The following DOCK8 variants were observed in gnomAD, a reference collection of about 807,000 sequenced individuals.
DOCK8 encodes the protein dedicator of cytokinesis protein 8.
Under a neutral mutation model 245.6 loss-of-function variants are expected in DOCK8, and 141 were observed. The ratio of observed to expected loss-of-function variants is 0.57; its 90% CI spans 0.50 to 0.66. The LOEUF (loss-of-function observed/expected upper bound fraction) is 0.66. Ranked by LOEUF, DOCK8 falls within the 30% of genes least tolerant of loss-of-function variation. The probability of loss-of-function intolerance (pLI) is 0.00; values close to 1 mark genes in which losing one functional copy is unlikely to be tolerated. For missense variants in DOCK8, 2,965 were observed against 2,603.4 expected (o/e 1.14, Z -3.02); for synonymous variants, 1,168 against 970.2 (o/e 1.20, Z -3.79).
intron 10 of DOCK8, among the ~76,000 whole-genome samples, chr9:333,989 T>G (rs1477248461): frequency 6.6e-6 from 1 of 152,226 alleles, no homozygotes; most frequent in Non-Finnish European, 1.5e-5. Flanking sequence ...TTTTACTAAT[T>G]AAATGTAGCC....
At chr9:275,220 T>A (rs980529822) in intron 2 of DOCK8, among the ~76,000 whole-genome samples, 1 of 152,136 alleles carries the variant, frequency 6.6e-6, no homozygotes, top group African/African-American at 2.4e-5. Context: ...CTCTTACGAT[T>A]TGGCACTATG....
rs1192939296 is a variant in DOCK8, at chr9:464,900, G to A, written c.*681G>A. 1 of 153,398 alleles carries A rather than the reference G, an allele frequency of 6.5e-6. No individual in the cohort carries two copies. Among genetic ancestry groups the A allele is most frequent in the Non-Finnish European group, 1.5e-5 (1 of 68,854 alleles). The allele number at this position is 153,398 out of a possible 1,614,324, so 9.5% of individuals were successfully genotyped here. A position where few individuals can be genotyped will look rare whatever the true frequency, so the allele number is the denominator to read the frequency against. On this transcript the variant is annotated 3_prime_UTR_variant, in exon 48 of 48. Transcript: ENST00000432829. ...AAAGCACTGATGTAGGAGATACACG[G>A]TACTTGGAGCAGTCAGCCAGAAATC...
intron 22 of DOCK8, among the ~76,000 whole-genome samples, chr9:386,110 A>G (rs991056369): frequency 6.6e-6 from 1 of 152,242 alleles, no homozygotes; most frequent in Non-Finnish European, 1.5e-5. Flanking sequence ...GTAGGTTGCT[A>G]CACACAAACT....
At chr9:456,007 A>G (rs968368671) in intron 46 of DOCK8, among the ~76,000 whole-genome samples, 1 of 152,228 alleles carries the variant, frequency 6.6e-6, no homozygotes, top group African/African-American at 2.4e-5. Flanking sequence ...GGACAAGGCT[A>G]CAGACAAAAC....
At chr9:456,057 A>G (rs776643729) in intron 46 of DOCK8, 1 of 152,238 alleles carries the variant, frequency 6.6e-6, no homozygotes, top group Non-Finnish European at 1.5e-5. Flanking sequence ...TGCAAACACA[A>G]CAGATGGCCT....
At chr9:329,462 C>T (rs10970611) in intron 9 of DOCK8, among the ~76,000 whole-genome samples, 35,712 of 152,080 alleles carry the variant, frequency 0.23, 4,531 homozygotes, top group African/African-American at 0.32. Context: ...GCTTCTTTAA[C>T]ACCATATAAC....
chr9:413,024 A>T (rs2055818379), intron 28 of DOCK8, among the ~76,000 whole-genome samples: 2 of 152,184 alleles, frequency 1.3e-5, no homozygotes, highest in Non-Finnish European at 2.9e-5. Flanking sequence ...TACAAAGCAA[A>T]AGTAGTCAAG....
intron 10 of DOCK8, among the ~76,000 whole-genome samples, chr9:332,813 A>G (rs1445316677): frequency 6.6e-6 from 1 of 151,748 alleles, no homozygotes; most frequent in African/African-American, 2.4e-5. Context: ...ACATGCCACC[A>G]TGCTTGGCTA....
At chr9:388,705 C>G (rs577170517) in intron 23 of DOCK8, among the ~76,000 whole-genome samples, 1 of 152,236 alleles carries the variant, frequency 6.6e-6, no homozygotes, top group East Asian at 1.9e-4. Context: ...CAACCGTGAA[C>G]CACCACATCT....
chr9:379,898 C>T lies in DOCK8; in HGVS notation c.2568C>T (p.Phe856=). The T allele has an allele frequency of 6.2e-7, 1 of 1,614,168 alleles. No homozygotes were observed. The highest frequency in any genetic ancestry group is 1.1e-5 in the South Asian group (1 of 91,086). The change falls in exon 21 of 48, where the codon TTC becomes TTT. Residue 856 remains phenylalanine, a synonymous_variant. Coordinates refer to ENST00000432829, the MANE Select transcript of DOCK8 (RefSeq NM_203447.4). ...TGGCTTCCTACGTGCACTACGTCTT[C>T]CGCCTGCCAGAGGTGCAAAGGGATG... ...CLLASYVHYV[F]RLPEVQRDVP...
chr9:368,300 G>GCT, intron 15 of DOCK8, 165 bp downstream of exon 15: 1 of 766,414 alleles, frequency 1.3e-6, no homozygotes. Context: ...GGGGAAACAG[G>GCT]GTCAGTCTTA....
chr9:304,759 C>T, intron 5 of DOCK8, 55 bp downstream of exon 5: 1 of 1,612,036 alleles, frequency 6.2e-7, no homozygotes, highest in South Asian at 1.1e-5. Context: ...CTGCCCAGGG[C>T]ATGCTGTCAG....
intron 1 of DOCK8, among the ~76,000 whole-genome samples, chr9:238,377 G>T (rs1003839537): frequency 6.6e-6 from 1 of 152,154 alleles, no homozygotes; most frequent in African/African-American, 2.4e-5. Context: ...TAAGTACCAC[G>T]TTTCTGAGGT....
intron 39 of DOCK8, among the ~76,000 whole-genome samples, chr9:436,077 C>T (rs1396343461): frequency 2.0e-5 from 3 of 152,194 alleles, no homozygotes; most frequent in Non-Finnish European, 4.4e-5. Flanking sequence ...AAAGTAGCTT[C>T]CCCAGGCTTA....
Position 340,261 on chromosome 9 carries a change from C to G in DOCK8, c.1619C>G (p.Pro540Arg), listed in dbSNP as rs377334031. Residue 540 changes from proline (P) to arginine (R), a missense_variant, in exon 14 of 48, where the codon CCG becomes CGG. Coordinates refer to ENST00000432829, the MANE Select transcript of DOCK8 (RefSeq NM_203447.4). ...CCCTTTCCTGAAAACCGGACACGCC[C>G]GCACAAAGAGATTTTGGAATTTCCA... Reference protein sequence around the residue: ...VKPFPENRTRPHKEILEFPTR... With the variant: ...VKPFPENRTRRHKEILEFPTR... The G allele has an allele frequency of 1.2e-6, 2 of 1,614,146 alleles. No individual in the cohort carries two copies. Among genetic ancestry groups the G allele is most frequent in the South Asian group, 1.1e-5 (1 of 91,082 alleles).
chr9:462,449 C>G (rs956557063), intron 46 of DOCK8, among the ~76,000 whole-genome samples: 2 of 152,222 alleles, frequency 1.3e-5, no homozygotes, highest in Admixed American at 6.5e-5. Context: ...CAGCATTTTT[C>G]TAAACCCTCT....
chr9:276,981 AT>A (rs771560296), intron 2 of DOCK8: 303 of 338,220 alleles, frequency 9.0e-4, no homozygotes, highest in East Asian at 1.5e-3. Flanking sequence ...TAATTTTTGT[AT>A]TTTTTTTGTA....
In DOCK8 at chr9:271,697, A is replaced by C. The variant is rs1485703434; in HGVS notation, c.124A>C (p.Ile42Leu). The C allele has an allele frequency of 6.4e-7, 1 of 1,551,924 alleles. No homozygotes were observed. The highest frequency in any genetic ancestry group is 8.7e-7 in the Non-Finnish European group (1 of 1,146,914). ...CCTTGGCCAGTACCATCGACAGAGC[A>C]TAAGTACCTCTGGCTTCCCCTCTCT... is the stretch of plus-strand genomic sequence containing the variant. Reference protein sequence around the residue: ...PNLGQYHRQSISTSGFPSLQL... With the variant: ...PNLGQYHRQSLSTSGFPSLQL... The change falls in exon 2 of 48, where the codon ATA (isoleucine) becomes CTA (leucine). Residue 42 changes from isoleucine (I) to leucine (L), a missense_variant. Coordinates refer to ENST00000432829, the MANE Select transcript of DOCK8 (RefSeq NM_203447.4).
At chr9:212,179 G>A (rs776520841), upstream of DOCK8, among the ~76,000 whole-genome samples, 29 of 152,134 alleles carry the variant, frequency 1.9e-4, no homozygotes, top group Non-Finnish European at 4.1e-4. Flanking sequence ...AAAGGACTTG[G>A]AGCAGTACCC....
Sources: gnomAD v4.1 joint callset for allele counts (sites outside exome capture counted in the v4.1 genomes callset) on GRCh38, gnomAD v4.1.1 for gene constraint, MANE v1.5 for transcripts, NCBI Gene and HGNC (gene_info 2026-07-23, HGNC 2026-07-21) for gene names.